Variants in GABRA3 observed in about 807,000 individuals in gnomAD.
GABRA3 encodes gamma-aminobutyric acid type A receptor subunit alpha3.
In GABRA3, 10 loss-of-function variants were observed where a neutral mutation model predicts 30.1. The ratio of observed to expected loss-of-function variants is 0.33; its 90% CI spans 0.20 to 0.56. The LOEUF is 0.56. GABRA3 is among the 20% of genes least tolerant of loss of function. GABRA3 has a pLI of 0.89. For synonymous variants in GABRA3, 151 were observed against 146.8 expected (o/e 1.03, Z -0.21); for missense variants, 233 against 392.0 (o/e 0.59, Z 3.42).
intron 9 of GABRA3, among the ~76,000 whole-genome samples, chrX:152,188,364 A>T (rs1478940906): frequency 2.7e-5 from 3 of 111,399 alleles, no homozygotes; most frequent in Non-Finnish European, 5.6e-5. Flanking sequence ...GTTGCATGGG[A>T]GGATGTAAGT....
intron 4 of GABRA3, among the ~76,000 whole-genome samples, chrX:152,283,574 T>C (rs971371160): frequency 8.9e-6 from 1 of 111,880 alleles, no homozygotes; most frequent in African/African-American, 3.3e-5. Context: ...CCTTTTCCCC[T>C]TTGTACTCCA....
rs1160485318 is a variant in GABRA3 at position 152,297,196 on chromosome X, C to T, written c.263-12461G>A. ...GGTAGGATTGGACAAAGTTCACTGC[C>T]TGTTTCCCAAAATTCTCAGATGTTT... is the stretch of plus-strand genomic sequence containing the variant. On this transcript the variant is annotated intron_variant, in intron 3 of 9. Coordinates refer to ENST00000370314, the MANE Select transcript of GABRA3 (RefSeq NM_000808.4). Among the ~76,000 whole-genome samples the T allele has an allele frequency of 6.3e-5, 7 of 111,810 alleles. No homozygotes were observed. The East Asian group carries it at 1.1e-3, about 18-fold the overall frequency.
At chrX:152,196,458 G>A (rs1937390554) in intron 8 of GABRA3, among the ~76,000 whole-genome samples, 2 of 106,557 alleles carry the variant, frequency 1.9e-5, no homozygotes, top group South Asian at 4.1e-4. Context: ...AAGAAGGAAG[G>A]AAAAATGAAA....
intron 1 of GABRA3, among the ~76,000 whole-genome samples, chrX:152,446,845 C>T (rs746193042): frequency 2.5e-4 from 28 of 112,064 alleles, no homozygotes; most frequent in Admixed American, 4.7e-4. Context: ...TCCCATCTAG[C>T]ATTCAGTATG....
chrX:152,423,843 G>T (rs1400358783), intron 1 of GABRA3, among the ~76,000 whole-genome samples: 1 of 110,516 alleles, frequency 9.0e-6, no homozygotes, highest in African/African-American at 3.3e-5. Flanking sequence ...GATTACAAAT[G>T]GAATATACAA....
chrX:152,368,240 C>T (rs923369208), intron 1 of GABRA3, among the ~76,000 whole-genome samples: 3 of 111,548 alleles, frequency 2.7e-5, no homozygotes, highest in Non-Finnish European at 3.8e-5. Flanking sequence ...TGGACTTATT[C>T]CTCCTATATA....
At chrX:152,260,966 A>C (rs1464306284) in intron 4 of GABRA3, among the ~76,000 whole-genome samples, 1 of 111,928 alleles carries the variant, frequency 8.9e-6, no homozygotes, top group South Asian at 3.7e-4. Flanking sequence ...AATTTAATTG[A>C]CTCAAAGTTC....
intron 5 of GABRA3, among the ~76,000 whole-genome samples, chrX:152,228,421 C>T (rs770579329): frequency 9.0e-6 from 1 of 111,562 alleles, no homozygotes; most frequent in Non-Finnish European, 1.9e-5. Flanking sequence ...TCAGAAATCA[C>T]TACCTTTGCA....
At chrX:152,184,662 C>A (rs1252795385) in intron 9 of GABRA3, among the ~76,000 whole-genome samples, 1 of 111,392 alleles carries the variant, frequency 9.0e-6, no homozygotes, top group African/African-American at 3.3e-5. Flanking sequence ...TGTTTTACTG[C>A]AGTTCGATAA....
At position 152,291,367 on chromosome X, in the gene GABRA3, C is replaced by A. The variant is rs186127338; in HGVS notation, c.263-6632G>T. Among the ~76,000 whole-genome samples the A allele has an allele frequency of 6.3e-3, 707 of 111,901 alleles. 4 individuals carry two copies. The highest frequency in any genetic ancestry group is 0.022 in the African/African-American group (674 of 30,843). On this transcript the variant is annotated intron_variant, in intron 3 of 9. Coordinates refer to ENST00000370314, the MANE Select transcript of GABRA3 (RefSeq NM_000808.4). The stretch of plus-strand genomic sequence containing the variant: ...GATTTTTGCACATTGATTTTGCATC[C>A]TGAGACTTTGCTGAAGTTGCTTATC...
Position 152,168,558 on chromosome X carries a change from T to G in GABRA3, c.1149A>C (p.Lys383Asn). The G allele has an allele frequency of 8.3e-7, 1 of 1,199,959 alleles. No individual in the cohort carries two copies. Among genetic ancestry groups the G allele is most frequent in the Non-Finnish European group, 1.1e-6 (1 of 885,465 alleles). ...KVPEALEMKK[K>N]TPAAPAKKTS... ...TTTTCTTTGCTGGGGCTGCTGGTGTTTTCTTCTAGAGGCCAGGAAAAAGAG... is the reference window on the plus strand; with the variant it reads ...TTTTCTTTGCTGGGGCTGCTGGTGTGTTCTTCTAGAGGCCAGGAAAAAGAG... Residue 383 changes from lysine (K) to asparagine (N), a missense_variant, in exon 10 of 10, where the codon AAA becomes AAC. Transcript: ENST00000370314.
intron 3 of GABRA3, among the ~76,000 whole-genome samples, chrX:152,329,954 A>G (rs1940135454): frequency 8.9e-6 from 1 of 112,251 alleles, no homozygotes; most frequent in South Asian, 3.7e-4. Context: ...CCCATCTGAC[A>G]AAAGGCTGAT....
At chrX:152,221,708 C>T (rs1395349998) in intron 6 of GABRA3, among the ~76,000 whole-genome samples, 1 of 111,783 alleles carries the variant, frequency 8.9e-6, no homozygotes. Flanking sequence ...TTACACATTG[C>T]AATTTCTTTT....
chrX:152,266,753 G>GA (rs745313420), intron 4 of GABRA3, among the ~76,000 whole-genome samples: 10 of 108,616 alleles, frequency 9.2e-5, no homozygotes, highest in South Asian at 7.9e-4. Flanking sequence ...TTATAGCACT[G>GA]AAAAAAAAAT....
intron 5 of GABRA3, among the ~76,000 whole-genome samples, chrX:152,225,335 AG>A (rs1300712294): frequency 9.1e-6 from 1 of 110,015 alleles, no homozygotes; most frequent in Non-Finnish European, 1.9e-5. Flanking sequence ...TGCTGCTCAC[AG>A]GAACTGCTAT....
At chrX:152,400,602 T>C (rs1929770113) in intron 1 of GABRA3, among the ~76,000 whole-genome samples, 3 of 111,945 alleles carry the variant, frequency 2.7e-5, no homozygotes, top group Non-Finnish European at 5.6e-5. Context: ...TCCCCTAGTA[T>C]TATCCCTATG....
chrX:152,300,376 AAACTT>A (rs1206848431), intron 3 of GABRA3, among the ~76,000 whole-genome samples: 3 of 111,835 alleles, frequency 2.7e-5, no homozygotes, highest in Non-Finnish European at 5.6e-5. Flanking sequence ...CTCACAAACT[AAACTT>A]AACTAAGTTG....
At chrX:152,427,067 C>G (rs1047559646) in intron 1 of GABRA3, among the ~76,000 whole-genome samples, 1 of 111,363 alleles carries the variant, frequency 9.0e-6, no homozygotes, top group Non-Finnish European at 1.9e-5. Flanking sequence ...ATGCTGCCTC[C>G]TCATTACTGT....
Position 152,227,373 on chromosome X carries a change from G to A in GABRA3, c.552-2528C>T, listed in dbSNP as rs1362577380. On this transcript the variant is annotated intron_variant, in intron 5 of 9. Coordinates refer to ENST00000370314, the MANE Select transcript of GABRA3 (RefSeq NM_000808.4). ...CAGGAAGGGGAACATCACACTCTGG[G>A]GACTGTTGTGGGGTGGGGGGAGGGG... Among the ~76,000 whole-genome samples the A allele has an allele frequency of 8.0e-4, 56 of 69,771 alleles. 1 individual carries two copies. Among genetic ancestry groups the A allele is most frequent in the Non-Finnish European group, 2.1e-4 (8 of 38,598 alleles). 60.6% of individuals were successfully genotyped at this position (69,771 alleles called of 115,157 possible).
Sources: gnomAD v4.1 joint callset for allele counts (sites outside exome capture counted in the v4.1 genomes callset) on GRCh38, gnomAD v4.1.1 for gene constraint, MANE v1.5 for transcripts, NCBI Gene and HGNC (gene_info 2026-07-23, HGNC 2026-07-21) for gene names.